Variants in KCTD8 observed in about 807,000 individuals in gnomAD.
The protein encoded by KCTD8 is BTB/POZ domain-containing protein KCTD8.
KCTD8 carries 27 observed loss-of-function variants against 31.5 expected under a neutral mutation model. The ratio of observed to expected loss-of-function variants is 0.86; its 90% CI spans 0.63 to 1.18. The LOEUF (loss-of-function observed/expected upper bound fraction) is 1.18, where lower values mean the gene tolerates loss of function less well. KCTD8 is among the 50% of genes most tolerant of loss of function. KCTD8 has a pLI of 0.00. For synonymous variants in KCTD8, 290 were observed against 280.0 expected, an observed-to-expected ratio of 1.04 and a Z score of -0.36; for missense variants, 658 against 647.7, an observed-to-expected ratio of 1.02 and a Z score of -0.17.
chr4:44,259,080 T>C (rs1337452201), intron 1 of KCTD8, among the ~76,000 whole-genome samples: 2 of 151,948 alleles, frequency 1.3e-5, no homozygotes, highest in Non-Finnish European at 2.9e-5. Context: ...AAACTTGTCT[T>C]GGAAGGCAAA....
chr4:44,264,724 A>T (rs1716286535), intron 1 of KCTD8, among the ~76,000 whole-genome samples: 1 of 152,122 alleles, frequency 6.6e-6, no homozygotes, highest in African/African-American at 2.4e-5. Context: ...ATGGCACACC[A>T]GGAGATTATA....
chr4:44,444,989 T>C (rs1269863303), intron 1 of KCTD8, among the ~76,000 whole-genome samples: 2 of 152,168 alleles, frequency 1.3e-5, no homozygotes, highest in African/African-American at 4.8e-5. Flanking sequence ...GCTATTAAGG[T>C]TATTTTCTGC....
intron 1 of KCTD8, among the ~76,000 whole-genome samples, chr4:44,357,317 T>C (rs992065863): frequency 9.9e-5 from 15 of 152,162 alleles, no homozygotes; most frequent in Admixed American, 2.0e-4. Context: ...TTTTTCTCCT[T>C]TTCTCCCTTC....
chr4:44,270,621 G>T (rs1051935012), intron 1 of KCTD8, among the ~76,000 whole-genome samples: 1 of 152,020 alleles, frequency 6.6e-6, no homozygotes, highest in Admixed American at 6.6e-5. Context: ...CAAACAGTTG[G>T]GTTTGAAAAA....
intron 1 of KCTD8, among the ~76,000 whole-genome samples, chr4:44,419,807 A>C (rs1048384867): frequency 2.5e-4 from 38 of 152,092 alleles, no homozygotes; most frequent in African/African-American, 7.7e-4. Context: ...ATACGTAACA[A>C]ACCTGCACAT....
intron 1 of KCTD8, among the ~76,000 whole-genome samples, chr4:44,230,348 T>C (rs1715088077): frequency 6.6e-6 from 1 of 152,234 alleles, no homozygotes; most frequent in African/African-American, 2.4e-5. Flanking sequence ...AGAAACTATG[T>C]AAGTTAAATT....
chr4:44,398,935 G>A lies in KCTD8; in HGVS notation c.961+48628C>T, dbSNP rs371557422. On this transcript the variant is annotated intron_variant, in intron 1 of 1. Coordinates refer to ENST00000360029, the MANE Select transcript of KCTD8 (RefSeq NM_198353.3). ...CCCAGCCAGATCATCCAGACTCCTG[G>A]AGTACATCATTTTAAAGGCTGGATT... Among the ~76,000 whole-genome samples, 275 of 152,236 alleles carry A rather than the reference G, an allele frequency of 1.8e-3. 9 individuals carry two copies. In the South Asian group the frequency reaches 0.055, roughly 30 times the overall value.
At chr4:44,444,085 T>C (rs1235280637) in intron 1 of KCTD8, among the ~76,000 whole-genome samples, 1 of 152,140 alleles carries the variant, frequency 6.6e-6, no homozygotes, top group African/African-American at 2.4e-5. Context: ...AGAACAGATA[T>C]AAGGGTTCAT....
intron 1 of KCTD8, among the ~76,000 whole-genome samples, chr4:44,245,005 C>T (rs1715612080): frequency 6.6e-6 from 1 of 152,264 alleles, no homozygotes. Context: ...AACTGCACAA[C>T]ACATTTTTAA....
chr4:44,414,025 C>G (rs1308373852), intron 1 of KCTD8, among the ~76,000 whole-genome samples: 1 of 152,052 alleles, frequency 6.6e-6, no homozygotes, highest in Non-Finnish European at 1.5e-5. Context: ...CTTGAGCCTC[C>G]AGAAGAAACC....
chr4:44,371,018 C>T (rs537054074), intron 1 of KCTD8, among the ~76,000 whole-genome samples: 5 of 152,174 alleles, frequency 3.3e-5, no homozygotes, highest in African/African-American at 1.2e-4. Context: ...TGAGGAAAGG[C>T]AGTGGTGAAA....
chr4:44,223,437 T>C (rs1714864086), intron 1 of KCTD8, among the ~76,000 whole-genome samples: 1 of 152,228 alleles, frequency 6.6e-6, no homozygotes, highest in African/African-American at 2.4e-5. Flanking sequence ...GCATGACTAT[T>C]TTCCACTCAT....
At chr4:44,269,604 A>G (rs923092066) in intron 1 of KCTD8, among the ~76,000 whole-genome samples, 5 of 152,296 alleles carry the variant, frequency 3.3e-5, no homozygotes, top group African/African-American at 2.4e-5. Flanking sequence ...TGAACAGGTA[A>G]CCTACAAAAT....
At chr4:44,380,451 A>C (rs1014569577) in intron 1 of KCTD8, among the ~76,000 whole-genome samples, 4 of 151,706 alleles carry the variant, frequency 2.6e-5, no homozygotes, top group African/African-American at 9.7e-5. Context: ...GGCAAAGGTT[A>C]AGCCCAAAGT....
intron 1 of KCTD8, among the ~76,000 whole-genome samples, chr4:44,208,621 C>T (rs1049263906): frequency 1.3e-5 from 2 of 152,112 alleles, no homozygotes; most frequent in Non-Finnish European, 2.9e-5. Context: ...AAATGATCTT[C>T]TTGTCCAGGA....
chr4:44,233,749 G>GA (rs1354762726), intron 1 of KCTD8, among the ~76,000 whole-genome samples: 2 of 152,142 alleles, frequency 1.3e-5, no homozygotes, highest in East Asian at 3.9e-4. Context: ...CTCTGAAAAA[G>GA]AAAAACCATA....
chr4:44,215,214 G>A (rs1457391338), intron 1 of KCTD8, among the ~76,000 whole-genome samples: 1 of 152,156 alleles, frequency 6.6e-6, no homozygotes, highest in Non-Finnish European at 1.5e-5. Context: ...AGCTCTGTGT[G>A]AATTAAAGTC....
intron 1 of KCTD8, among the ~76,000 whole-genome samples, chr4:44,192,533 A>T (rs1466531647): frequency 6.6e-6 from 1 of 151,728 alleles, no homozygotes. Context: ...ATAAATAATT[A>T]TGCAAGTGTG....
intron 1 of KCTD8, among the ~76,000 whole-genome samples, chr4:44,294,034 T>C (rs368118972): frequency 6.6e-6 from 1 of 152,192 alleles, no homozygotes; most frequent in Admixed American, 6.5e-5. Context: ...TTACAAAGGA[T>C]AGGAAAAGGA....
Sources: allele counts gnomAD v4.1 joint callset (sites outside exome capture counted in the v4.1 genomes callset), GRCh38; gene constraint gnomAD v4.1.1; transcripts MANE v1.5; gene names NCBI Gene and HGNC (gene_info 2026-07-23, HGNC 2026-07-21).